Variants in DPP10 observed in about 807,000 individuals in gnomAD.
DPP10 encodes the protein dipeptidyl peptidase like 10.
In DPP10, 33 loss-of-function variants were observed where a neutral mutation model predicts 120.9. The observed-to-expected ratio is 0.27, with a 90% confidence interval of 0.21 to 0.37. The LOEUF (loss-of-function observed/expected upper bound fraction) is 0.37. Ranked by LOEUF, DPP10 falls within the 10% of genes least tolerant of loss-of-function variation. The pLI is 1.00. For synonymous variants in DPP10, 337 were observed against 326.1 expected (o/e 1.03, Z -0.36); for missense variants, 816 against 942.8 (o/e 0.87, Z 1.76).
chr2:115,292,096 G>A (rs1416518842), intron 1 of DPP10, among the ~76,000 whole-genome samples: 2 of 152,110 alleles, frequency 1.3e-5, no homozygotes, highest in Non-Finnish European at 2.9e-5. Context: ...ATTCCATTTA[G>A]ATAATGCCAT....
intron 5 of DPP10, among the ~76,000 whole-genome samples, chr2:115,558,539 C>T (rs1360950057): frequency 6.6e-6 from 1 of 152,082 alleles, no homozygotes. Flanking sequence ...TTTTAACAAG[C>T]AATCAGGGGC....
intron 5 of DPP10, among the ~76,000 whole-genome samples, chr2:115,650,800 A>AGAG (rs1303376709): frequency 3.3e-5 from 5 of 151,914 alleles, no homozygotes; most frequent in Non-Finnish European, 5.9e-5. Context: ...TGAAGGAGAA[A>AGAG]GAGGAGGAGG....
chr2:114,925,037 C>T (rs1695506055), intron 1 of DPP10, among the ~76,000 whole-genome samples: 1 of 151,982 alleles, frequency 6.6e-6, no homozygotes, highest in Non-Finnish European at 1.5e-5. Context: ...CGGTGAAACC[C>T]CGTCTCTACT....
At position 114,645,605 on chromosome 2, in the gene DPP10, G is replaced by T. The variant is rs550918925; in HGVS notation, c.60+202767G>T. On this transcript the variant is annotated intron_variant, in intron 1 of 25. Transcript: ENST00000410059. ...TTTACACACTTTATTTTAACCTTTTGTTTCTGAGTGTAGTATCCTCACCTG... is the reference window on the plus strand; with the variant it reads ...TTTACACACTTTATTTTAACCTTTTTTTTCTGAGTGTAGTATCCTCACCTG... Among the ~76,000 whole-genome samples, 27 of 152,216 alleles carry T rather than the reference G, an allele frequency of 1.8e-4. No homozygotes were observed. In the South Asian group the frequency reaches 5.4e-3, roughly 30 times the overall value.
chr2:115,307,148 A>C (rs981219605), intron 1 of DPP10, among the ~76,000 whole-genome samples: 1 of 152,124 alleles, frequency 6.6e-6, no homozygotes, highest in Admixed American at 6.6e-5. Context: ...ATCTTACCAG[A>C]TTATTTTGAG....
intron 5 of DPP10, among the ~76,000 whole-genome samples, chr2:115,617,938 C>T (rs2084650449): frequency 6.6e-6 from 1 of 152,124 alleles, no homozygotes; most frequent in Admixed American, 6.5e-5. Flanking sequence ...TCATTGTGGT[C>T]TCTCTCTCTA....
At chr2:115,117,825 T>C (rs894800661) in intron 1 of DPP10, among the ~76,000 whole-genome samples, 5 of 151,956 alleles carry the variant, frequency 3.3e-5, no homozygotes, top group African/African-American at 1.2e-4. Flanking sequence ...GGGGAGGAAA[T>C]ACTTGGATGC....
chr2:115,305,268 T>C (rs1200130889), intron 1 of DPP10, among the ~76,000 whole-genome samples: 1 of 152,102 alleles, frequency 6.6e-6, no homozygotes, highest in African/African-American at 2.4e-5. Context: ...GGATCATACC[T>C]GTTCTGTTGG....
intron 1 of DPP10, among the ~76,000 whole-genome samples, chr2:114,977,311 C>A (rs112777929): frequency 6.6e-6 from 1 of 152,098 alleles, no homozygotes; most frequent in Non-Finnish European, 1.5e-5. Flanking sequence ...TTAATTTGGG[C>A]AGCTCTGTCT....
intron 21 of DPP10, among the ~76,000 whole-genome samples, chr2:115,820,991 G>C (rs1287707976): frequency 1.3e-5 from 2 of 152,126 alleles, no homozygotes; most frequent in African/African-American, 4.8e-5. Flanking sequence ...CCAATAGTGG[G>C]ATTGCTAGAT....
chr2:114,679,708 A>T (rs1204646623), intron 1 of DPP10, among the ~76,000 whole-genome samples: 1 of 152,042 alleles, frequency 6.6e-6, no homozygotes, highest in Non-Finnish European at 1.5e-5. Context: ...CTTATTGAAG[A>T]TATTTCTGCT....
intron 5 of DPP10, among the ~76,000 whole-genome samples, chr2:115,665,921 G>T (rs1267267649): frequency 2.0e-5 from 3 of 151,330 alleles, no homozygotes; most frequent in Non-Finnish European, 4.4e-5. Context: ...TAGGTTTGGG[G>T]TACATGTACA....
rs575649592 is a variant in DPP10 at position 115,804,069 on chromosome 2, A to C, written c.1701-10724A>C. Among the ~76,000 whole-genome samples the C allele has an allele frequency of 5.2e-3, 792 of 152,256 alleles. 8 individuals are homozygous for C. Among genetic ancestry groups the C allele is most frequent in the African/African-American group, 0.018 (763 of 41,528 alleles). ...TCTCCCCGTCACTTTCAGGTACACCAATCAGACGTAGATTTGGTCTTTTCA... is the reference window on the plus strand; with the variant it reads ...TCTCCCCGTCACTTTCAGGTACACCCATCAGACGTAGATTTGGTCTTTTCA... On this transcript the variant is annotated intron_variant, in intron 19 of 25. Coordinates refer to ENST00000410059, the MANE Select transcript of DPP10 (RefSeq NM_020868.6).
chr2:115,763,870 A>G (rs185919083), intron 12 of DPP10, among the ~76,000 whole-genome samples: 2 of 152,350 alleles, frequency 1.3e-5, no homozygotes, highest in East Asian at 3.9e-4. Flanking sequence ...GCTCTGAGTC[A>G]TAGAATCATT....
intron 1 of DPP10, among the ~76,000 whole-genome samples, chr2:115,058,852 T>C (rs541141084): frequency 2.6e-4 from 39 of 152,244 alleles, no homozygotes; most frequent in South Asian, 2.1e-4. Context: ...CTTTGTTTTT[T>C]GTTTTTCTTG....
At chr2:115,070,184 G>A (rs1559057429) in intron 1 of DPP10, among the ~76,000 whole-genome samples, 1 of 152,006 alleles carries the variant, frequency 6.6e-6, no homozygotes, top group Non-Finnish European at 1.5e-5. Context: ...ATGCAAATGT[G>A]ACATTACACA....
intron 2 of DPP10, among the ~76,000 whole-genome samples, chr2:115,334,404 T>G (rs527814788): frequency 6.6e-6 from 1 of 151,444 alleles, no homozygotes; most frequent in Admixed American, 6.6e-5. Context: ...CTTTTTGGCT[T>G]TTGCTTGAAT....
At chr2:114,457,901 A>G (rs949415949) in intron 1 of DPP10, among the ~76,000 whole-genome samples, 1 of 152,150 alleles carries the variant, frequency 6.6e-6, no homozygotes, top group African/African-American at 2.4e-5. Flanking sequence ...GTAACAAATA[A>G]TGTTCTCTGA....
At chr2:114,535,216 C>T (rs1013693519) in intron 1 of DPP10, among the ~76,000 whole-genome samples, 3 of 152,096 alleles carry the variant, frequency 2.0e-5, no homozygotes, top group African/African-American at 2.4e-5. Context: ...AAGCTTTCAC[C>T]TATTTAACAC....
Sources: gnomAD v4.1 joint callset for allele counts (sites outside exome capture counted in the v4.1 genomes callset) on GRCh38, gnomAD v4.1.1 for gene constraint, MANE v1.5 for transcripts, NCBI Gene and HGNC (gene_info 2026-07-23, HGNC 2026-07-21) for gene names.